DPYD: variants seen among roughly 807,000 people sequenced by gnomAD.
DPYD encodes dihydropyrimidine dehydrogenase, also known as dihydropyrimidine dehydrogenase [NADP(+)].
In DPYD, 109 loss-of-function variants were observed where a neutral mutation model predicts 116.2. That is an observed-to-expected ratio of 0.94 (90% CI 0.80 to 1.10). The LOEUF (loss-of-function observed/expected upper bound fraction) is 1.10, where lower values mean the gene tolerates loss of function less well. DPYD is among the 50% of genes least tolerant of loss of function. The pLI is 0.00. For synonymous variants in DPYD, 440 were observed against 432.0 expected (o/e 1.02, Z -0.23); for missense variants, 1,302 against 1,254.5 (o/e 1.04, Z -0.57).
intron 8 of DPYD, among the ~76,000 whole-genome samples, chr1:97,606,504 T>C (rs1028678520): frequency 1.1e-4 from 16 of 151,870 alleles, no homozygotes; most frequent in African/African-American, 3.9e-4. Context: ...AGGGGGAGTA[T>C]AAGCTTCATA....
At chr1:97,342,664 A>G (rs999751161) in intron 16 of DPYD, among the ~76,000 whole-genome samples, 2 of 152,186 alleles carry the variant, frequency 1.3e-5, no homozygotes, top group East Asian at 1.9e-4. Flanking sequence ...ATTAAAAACA[A>G]AGTCAAAACT....
At chr1:97,589,044 A>C (rs1355358861) in intron 10 of DPYD, among the ~76,000 whole-genome samples, 1 of 152,288 alleles carries the variant, frequency 6.6e-6, no homozygotes, top group African/African-American at 2.4e-5. Context: ...TTACTGAATC[A>C]GCAACTCTAG....
chr1:97,359,411 C>A (rs1670597640), intron 16 of DPYD, among the ~76,000 whole-genome samples: 1 of 152,040 alleles, frequency 6.6e-6, no homozygotes. Flanking sequence ...GAGAATTTCC[C>A]CAACCTAGCA....
At chr1:97,597,282 C>G (rs1409086924) in intron 8 of DPYD, among the ~76,000 whole-genome samples, 1 of 152,224 alleles carries the variant, frequency 6.6e-6, no homozygotes, top group Non-Finnish European at 1.5e-5. Flanking sequence ...ACGGAGCCCT[C>G]CTCCTCTACC....
At chr1:97,688,325 G>A (rs1660842510) in intron 7 of DPYD, among the ~76,000 whole-genome samples, 1 of 152,024 alleles carries the variant, frequency 6.6e-6, no homozygotes, top group African/African-American at 2.4e-5. Flanking sequence ...TATAATCACA[G>A]GCACAGATGA....
At chr1:97,174,274 T>A (rs935584980) in intron 20 of DPYD, among the ~76,000 whole-genome samples, 1 of 152,128 alleles carries the variant, frequency 6.6e-6, no homozygotes, top group Non-Finnish European at 1.5e-5. Context: ...CACTGGCTGA[T>A]CCTACAAAGC....
intron 3 of DPYD, among the ~76,000 whole-genome samples, chr1:97,818,740 A>T (rs1490354568): frequency 3.3e-5 from 5 of 152,036 alleles, no homozygotes; most frequent in African/African-American, 1.2e-4. Flanking sequence ...TGGCAAACAG[A>T]TAATACCAAA....
chr1:97,720,016 A>C (rs1662829033), intron 5 of DPYD: 1 of 984,928 alleles, frequency 1.0e-6, no homozygotes, highest in Non-Finnish European at 1.2e-6. Context: ...CTCTGTCTTA[A>C]ATAGACTCTG....
intron 14 of DPYD, among the ~76,000 whole-genome samples, chr1:97,428,603 C>G (rs1019738940): frequency 5.3e-5 from 8 of 151,884 alleles, no homozygotes; most frequent in African/African-American, 1.7e-4. Flanking sequence ...GCAGCTAAGA[C>G]TAAGAAATTC....
At chr1:97,529,335 CA>C (rs1208442387) in intron 12 of DPYD, among the ~76,000 whole-genome samples, 1 of 152,090 alleles carries the variant, frequency 6.6e-6, no homozygotes, top group Non-Finnish European at 1.5e-5. Context: ...GCTAGGAACA[CA>C]ACAGTTAACA....
intron 4 of DPYD, among the ~76,000 whole-genome samples, chr1:97,728,473 G>A (rs938314267): frequency 3.3e-5 from 5 of 151,998 alleles, no homozygotes; most frequent in Admixed American, 6.6e-5. Context: ...CTCACAAGCC[G>A]CTACCCTGTC....
intron 2 of DPYD, among the ~76,000 whole-genome samples, chr1:97,859,563 T>A (rs1671017124): frequency 6.6e-6 from 1 of 152,144 alleles, no homozygotes; most frequent in African/African-American, 2.4e-5. Context: ...CCACCACCAC[T>A]GGACCACCCT....
intron 3 of DPYD, among the ~76,000 whole-genome samples, chr1:97,818,800 A>G (rs943861655): frequency 6.6e-6 from 1 of 152,014 alleles, no homozygotes; most frequent in African/African-American, 2.4e-5. Flanking sequence ...AAAGACATAT[A>G]CACACATTCA....
At chr1:97,537,709 G>A (rs1650120089) in intron 12 of DPYD, among the ~76,000 whole-genome samples, 1 of 152,142 alleles carries the variant, frequency 6.6e-6, no homozygotes, top group Non-Finnish European at 1.5e-5. Context: ...TAACAAGAAT[G>A]AAAAGGCTTC....
At chr1:97,737,912 C>T (rs1176163432) in intron 4 of DPYD, among the ~76,000 whole-genome samples, 1 of 152,048 alleles carries the variant, frequency 6.6e-6, no homozygotes, top group Non-Finnish European at 1.5e-5. Context: ...GGATCTATCA[C>T]AAAGAAAAAC....
chr1:97,806,286 T>C lies in DPYD; in HGVS notation c.233+21828A>G, dbSNP rs140001828. Among the ~76,000 whole-genome samples, 816 of 151,908 alleles carry C rather than the reference T, an allele frequency of 5.4e-3. 10 individuals carry two copies. Among genetic ancestry groups the C allele is most frequent in the African/African-American group, 0.018 (766 of 41,488 alleles). ...AATAACAGTAAAATCTAGAAGAAAATGCAGTTGTTTCACATCTTCACCAAA... is the reference window on the plus strand; with the variant it reads ...AATAACAGTAAAATCTAGAAGAAAACGCAGTTGTTTCACATCTTCACCAAA... On this transcript the variant is annotated intron_variant, in intron 3 of 22. Transcript: ENST00000370192.
intron 3 of DPYD, among the ~76,000 whole-genome samples, chr1:97,764,348 A>G (rs931787716): frequency 3.3e-5 from 5 of 152,080 alleles, no homozygotes; most frequent in African/African-American, 1.2e-4. Flanking sequence ...GAGATTTTTA[A>G]TATTTTCCCA....
intron 14 of DPYD, among the ~76,000 whole-genome samples, chr1:97,399,582 ATGG>A (rs1673237305): frequency 6.6e-6 from 1 of 152,196 alleles, no homozygotes; most frequent in African/African-American, 2.4e-5. Flanking sequence ...GTCCATGAGC[ATGG>A]AATGTTCTTC....
intron 5 of DPYD, among the ~76,000 whole-genome samples, chr1:97,712,189 C>A (rs997687797): frequency 1.3e-5 from 2 of 151,986 alleles, no homozygotes; most frequent in African/African-American, 4.8e-5. Context: ...TAGGAGCTCC[C>A]CTTACATGTG....
Sources: gnomAD v4.1 joint callset for allele counts (sites outside exome capture counted in the v4.1 genomes callset) on GRCh38, gnomAD v4.1.1 for gene constraint, MANE v1.5 for transcripts, NCBI Gene and HGNC (gene_info 2026-07-23, HGNC 2026-07-21) for gene names.